CYP19A1: variants seen among roughly 807,000 people sequenced by gnomAD.
CYP19A1 encodes cytochrome P450 family 19 subfamily A member 1.
In CYP19A1, 32 loss-of-function variants were observed where a neutral mutation model predicts 44.4. That is an observed-to-expected ratio of 0.72 (90% CI 0.54 to 0.97). CYP19A1 has a LOEUF of 0.97. Ranked by LOEUF, CYP19A1 falls within the 50% of genes least tolerant of loss-of-function variation. The pLI is 0.00. For synonymous variants in CYP19A1, 212 were observed against 215.6 expected, an observed-to-expected ratio of 0.98 and a Z score of 0.14; for missense variants, 598 against 637.8, an observed-to-expected ratio of 0.94 and a Z score of 0.67.
At chr15:51,307,971 G>A (rs748434405) in intron 1 of CYP19A1, among the ~76,000 whole-genome samples, 4 of 152,180 alleles carry the variant, frequency 2.6e-5, no homozygotes, top group Non-Finnish European at 5.9e-5. Context: ...AAAGTTCTTG[G>A]CACAGTGCCT....
chr15:51,252,031 C>T (rs575718808), intron 1 of CYP19A1, among the ~76,000 whole-genome samples: 2 of 152,320 alleles, frequency 1.3e-5, no homozygotes, highest in South Asian at 4.1e-4. Context: ...TTCCCTGTGC[C>T]TTTGCCCTGC....
chr15:51,333,276 C>T (rs978666192), intron 1 of CYP19A1, among the ~76,000 whole-genome samples: 18 of 152,214 alleles, frequency 1.2e-4, no homozygotes, highest in African/African-American at 4.3e-4. Context: ...TCAGAAGGGA[C>T]AAAAATGGTG....
chr15:51,288,369 C>T (rs2035758616), intron 1 of CYP19A1, among the ~76,000 whole-genome samples: 1 of 152,192 alleles, frequency 6.6e-6, no homozygotes, highest in Non-Finnish European at 1.5e-5. Context: ...TAGTCCACCC[C>T]TGGGTTGGCC....
chr15:51,215,874 CAG>C (rs1262985668), intron 6 of CYP19A1, 57 bp from the exon 7 acceptor site: 20 of 1,607,542 alleles, frequency 1.2e-5, no homozygotes, highest in East Asian at 2.2e-5. Context: ...TCTAGCGAAA[CAG>C]ATTTATTTGC....
intron 4 of CYP19A1, among the ~76,000 whole-genome samples, chr15:51,226,090 GAAAAAAAAAA>G (rs55642133): frequency 6.8e-5 from 3 of 44,432 alleles, no homozygotes; most frequent in African/African-American, 1.9e-4. Flanking sequence ...CTCTGTCTCA[GAAAAAAAAAA>G]AAAAAAAAAA....
intron 2 of CYP19A1, among the ~76,000 whole-genome samples, chr15:51,238,692 A>T (rs1002602612): frequency 6.6e-6 from 1 of 152,176 alleles, no homozygotes; most frequent in African/African-American, 2.4e-5. Flanking sequence ...CCTGCCATTC[A>T]AATGTAAGCT....
At chr15:51,271,207 T>G (rs1440396620) in intron 1 of CYP19A1, among the ~76,000 whole-genome samples, 1 of 152,154 alleles carries the variant, frequency 6.6e-6, no homozygotes, top group Admixed American at 6.5e-5. Context: ...GGTCATACAG[T>G]CTGTGGTCTC....
intron 1 of CYP19A1, among the ~76,000 whole-genome samples, chr15:51,311,047 C>T (rs2036300962): frequency 6.6e-6 from 1 of 152,016 alleles, no homozygotes; most frequent in Non-Finnish European, 1.5e-5. Context: ...TTTAACAGGA[C>T]CCAGAGTCTC....
intron 1 of CYP19A1, among the ~76,000 whole-genome samples, chr15:51,326,090 CA>C (rs1447612841): frequency 6.6e-6 from 1 of 152,046 alleles, no homozygotes; most frequent in African/African-American, 2.4e-5. Flanking sequence ...AACTTCACAC[CA>C]TTATAAAACT....
At chr15:51,223,745 G>T (rs2032337366) in intron 4 of CYP19A1, among the ~76,000 whole-genome samples, 1 of 152,140 alleles carries the variant, frequency 6.6e-6, no homozygotes, top group Non-Finnish European at 1.5e-5. Flanking sequence ...TTGGAAGGAA[G>T]GTTGAGGAAG....
intron 1 of CYP19A1, among the ~76,000 whole-genome samples, chr15:51,318,029 C>A (rs1049255564): frequency 6.6e-6 from 1 of 152,160 alleles, no homozygotes; most frequent in Non-Finnish European, 1.5e-5. Flanking sequence ...TTGGGTGTTG[C>A]TAGAAGTGTA....
chr15:51,337,224 A>C (rs1455291838), intron 1 of CYP19A1, among the ~76,000 whole-genome samples: 1 of 152,226 alleles, frequency 6.6e-6, no homozygotes, highest in Non-Finnish European at 1.5e-5. Flanking sequence ...CTGCCTTAAG[A>C]ATATTGTAAC....
chr15:51,243,249 T>C (rs984644769), intron 1 of CYP19A1, among the ~76,000 whole-genome samples: 3 of 152,168 alleles, frequency 2.0e-5, no homozygotes, highest in African/African-American at 7.2e-5. Context: ...CATTCCCAAT[T>C]GAAAGCCAAA....
At chr15:51,218,316 C>T (rs1438644630) in intron 6 of CYP19A1, 1 of 555,416 alleles carries the variant, frequency 1.8e-6, no homozygotes, top group Non-Finnish European at 3.1e-6. Context: ...CACTCAGCCC[C>T]CTTGCCGAGA....
At chr15:51,265,908 G>A (rs1168333241) in intron 1 of CYP19A1, among the ~76,000 whole-genome samples, 1 of 152,176 alleles carries the variant, frequency 6.6e-6, no homozygotes, top group Non-Finnish European at 1.5e-5. Flanking sequence ...CGGATCCCTG[G>A]ATGCCCACTG....
intron 1 of CYP19A1, among the ~76,000 whole-genome samples, chr15:51,246,681 A>T (rs1364120573): frequency 6.6e-6 from 1 of 152,114 alleles, no homozygotes; most frequent in Admixed American, 6.5e-5. Context: ...CCCCTAGTAC[A>T]GCTATAGCCC....
chr15:51,323,151 C>A (rs1471494103), intron 1 of CYP19A1, among the ~76,000 whole-genome samples: 2 of 152,188 alleles, frequency 1.3e-5, no homozygotes, highest in Non-Finnish European at 2.9e-5. Flanking sequence ...GGGCCTCTCC[C>A]CAAACCCCTA....
At chr15:51,312,381 A>G (rs1258148594) in intron 1 of CYP19A1, 2 of 152,248 alleles carry the variant, frequency 1.3e-5, no homozygotes, top group African/African-American at 4.8e-5. Flanking sequence ...ATAGCATTTT[A>G]CAGTTTACAG....
chr15:51,225,818 A>G (rs890092381), intron 4 of CYP19A1, among the ~76,000 whole-genome samples: 4 of 152,098 alleles, frequency 2.6e-5, no homozygotes, highest in African/African-American at 4.8e-5. Flanking sequence ...GGCAAAGATT[A>G]TAGGCTGACG....
Sources: allele counts gnomAD v4.1 joint callset (sites outside exome capture counted in the v4.1 genomes callset), GRCh38; gene constraint gnomAD v4.1.1; transcripts MANE v1.5; gene names NCBI Gene and HGNC (gene_info 2026-07-23, HGNC 2026-07-21).